MRS2: variants seen among roughly 807,000 people sequenced by gnomAD.
MRS2 encodes the protein magnesium transporter MRS2.
In MRS2, 40 loss-of-function variants were observed where a neutral mutation model predicts 52.6. The ratio of observed to expected loss-of-function variants is 0.76; its 90% confidence interval spans 0.59 to 0.99. The LOEUF (loss-of-function observed/expected upper bound fraction) is 0.99, where lower values mean the gene tolerates loss of function less well. Ranked by LOEUF, MRS2 falls within the 50% of genes least tolerant of loss-of-function variation. The probability of loss-of-function intolerance (pLI) is 0.00; values close to 1 mark genes in which losing one functional copy is unlikely to be tolerated. For missense variants in MRS2, 472 were observed against 532.7 expected (o/e 0.89, Z 1.12); for synonymous variants, 193 against 195.9 (o/e 0.98, Z 0.13).
At chr6:24,405,971 G>A (rs921686526) in intron 2 of MRS2, among the ~76,000 whole-genome samples, 3 of 151,890 alleles carry the variant, frequency 2.0e-5, no homozygotes, top group Non-Finnish European at 4.4e-5. Flanking sequence ...CAGGCCTGGT[G>A]GTGGGCGCCT....
chr6:24,405,354 G>A (rs1581693746), intron 2 of MRS2, 113 bp downstream of exon 2: 1 of 755,818 alleles, frequency 1.3e-6, no homozygotes, highest in Non-Finnish European at 2.2e-6. Flanking sequence ...AATCATCATA[G>A]CTACATGTCG....
chr6:24,418,988 A>T (rs947402005), intron 9 of MRS2: 1 of 162,430 alleles, frequency 6.2e-6, no homozygotes, highest in African/African-American at 2.4e-5. Context: ...CTGTAATCCC[A>T]GCACTTTGGG....
chr6:24,425,638 T>TA lies in MRS2; in HGVS notation c.*1946dup, dbSNP rs1337434518. The TA allele has an allele frequency of 1.3e-5, 2 of 152,226 alleles. No homozygotes were observed. Among genetic ancestry groups the TA allele is most frequent in the Admixed American group, 6.5e-5 (1 of 15,290 alleles). 9.4% of individuals were successfully genotyped at this position (152,226 alleles called of 1,614,324 possible). On this transcript the variant is annotated 3_prime_UTR_variant, in exon 11 of 11. Coordinates refer to ENST00000378386, the MANE Select transcript of MRS2 (RefSeq NM_020662.4). ...TTGAACTAAAATGGACTGAGCACAT[T>TA]AATTACTGTTTGAAAGTAGGTACCA...
chr6:24,416,549 TAGAGTA>T (rs1220082882), intron 7 of MRS2, 36 bp downstream of exon 7: 1 of 1,087,970 alleles, frequency 9.2e-7, no homozygotes, highest in Non-Finnish European at 1.4e-6. Flanking sequence ...TTTATTTCCT[TAGAGTA>T]AATCTTTTGC....
intron 4 of MRS2, among the ~76,000 whole-genome samples, chr6:24,411,869 G>T (rs550120574): frequency 0.011 from 1,600 of 142,864 alleles, 25 homozygotes; most frequent in African/African-American, 0.036. Flanking sequence ...TTTTTTTTTT[G>T]TTTTTGTTTT....
intron 7 of MRS2, among the ~76,000 whole-genome samples, 180 bp downstream of exon 7, chr6:24,416,693 A>G (rs1033222167): frequency 2.0e-5 from 3 of 152,170 alleles, no homozygotes; most frequent in Non-Finnish European, 4.4e-5. Context: ...ATGTAATTCT[A>G]TGAGTATGCA....
At position 24,412,279 on chromosome 6, in the gene MRS2, A is replaced by G. The variant is rs1288008263; in HGVS notation, c.472A>G (p.Asn158Asp). ...CLLILDYRNLNLEQWLFRELP... is the reference protein window; with the variant it reads ...CLLILDYRNLDLEQWLFRELP... ...TCTGATATTAGATTATCGTAATTTA[A>G]ACTTAGAGCAATGGCTGTTCCGGGA... The change falls in exon 5 of 11, where the codon AAC (asparagine) becomes GAC (aspartate). Residue 158 changes from asparagine to aspartate, a missense_variant. Physicochemically the swap from Asn to Asp is conservative, Grantham distance 23. Coordinates refer to ENST00000378386, the MANE Select transcript of MRS2 (RefSeq NM_020662.4). The G allele has an allele frequency of 1.2e-6, 2 of 1,605,832 alleles. No individual in the cohort carries two copies. The highest frequency in any genetic ancestry group is 2.2e-5 in the South Asian group (2 of 89,142).
Position 24,403,067 on chromosome 6 carries a change from A to G in MRS2, c.21A>G (p.Leu7=). The part of the protein sequence containing the change: MECLRS[L]PCLLPRAMRL... ...GCACCATGGAATGCCTGCGCAGTTT[A>G]CCCTGCCTCCTGCCCCGCGCGATGA... The change falls in exon 1 of 11, where the codon TTA becomes TTG. Residue 7 remains leucine (L), a synonymous_variant. Transcript: ENST00000378386. 6.2e-7 allele frequency: 1 copy of G among 1,609,932 alleles called. No individual in the cohort carries two copies. The highest frequency in any genetic ancestry group is 1.1e-5 in the South Asian group (1 of 90,548).
At chr6:24,407,312 A>G (rs185516826) in intron 2 of MRS2, among the ~76,000 whole-genome samples, 13 of 152,292 alleles carry the variant, frequency 8.5e-5, no homozygotes, top group Admixed American at 4.6e-4. Context: ...TTAATGTTCT[A>G]TGGAACTTAT....
rs1051071246 is a variant in MRS2, at chr6:24,418,320, C to T, written c.989+84C>T. ...TAAGGAAATATTTTGTGAGGAATTA[C>T]GCCATCATTATCATCTATACTACAT... On this transcript the variant is annotated intron_variant, in intron 8 of 10. Coordinates refer to ENST00000378386, the MANE Select transcript of MRS2 (RefSeq NM_020662.4). 44 of 1,480,658 alleles carry T rather than the reference C, an allele frequency of 3.0e-5. 1 individual carries two copies. In the Admixed American group the frequency reaches 6.0e-4, roughly 20 times the overall value. The allele number at this position is 1,480,658 out of a possible 1,614,324, so 91.7% of individuals were successfully genotyped here.
At chr6:24,409,438 C>T in intron 3 of MRS2, 23 bp from the exon 4 acceptor site, 1 of 1,444,084 alleles carries the variant, frequency 6.9e-7, no homozygotes, top group Non-Finnish European at 9.7e-7. Context: ...TGGTTTAGCC[C>T]TCTCTGTTTA....
At chr6:24,406,435 C>T (rs954474955) in intron 2 of MRS2, among the ~76,000 whole-genome samples, 2 of 151,972 alleles carry the variant, frequency 1.3e-5, no homozygotes, top group Admixed American at 1.3e-4. Context: ...TAAAAGTTAC[C>T]ACTGTTATTC....
chr6:24,418,565 C>A lies in MRS2; in HGVS notation c.1094C>A (p.Ser365Tyr), dbSNP rs1308331500. ...MGVAFGMNLE[S>Y]SLEEDHRIFW... ...GTTGCTTTTGGAATGAATTTGGAAT[C>A]TTCCCTTGAAGAGGTGAGAATGTAT... The change falls in exon 9 of 11, where the codon TCT becomes TAT. Residue 365 changes from serine (S) to tyrosine (Y), a missense_variant. Ser to Tyr is a moderately radical substitution (Grantham distance 144). Coordinates refer to ENST00000378386, the MANE Select transcript of MRS2 (RefSeq NM_020662.4). 6.2e-7 allele frequency: 1 copy of A among 1,611,432 alleles called. No individual in the cohort carries two copies. Among genetic ancestry groups the A allele is most frequent in the Non-Finnish European group, 8.5e-7 (1 of 1,177,636 alleles).
In MRS2 at chr6:24,402,937, C is replaced by G; in HGVS notation, c.-110C>G. The G allele has an allele frequency of 9.5e-7, 1 of 1,055,850 alleles. No individual in the cohort carries two copies. The highest frequency in any genetic ancestry group is 1.3e-6 in the Non-Finnish European group (1 of 743,042). The allele number at this position is 1,055,850 out of a possible 1,614,324, so 65.4% of individuals were successfully genotyped here. ...GCACGCCCCGCGCATGCCTGGTGCA[C>G]AGAGTCTGCAGGTCGGGCGGTAGCG... On this transcript the variant is annotated 5_prime_UTR_variant, in exon 1 of 11. Coordinates refer to ENST00000378386, the MANE Select transcript of MRS2 (RefSeq NM_020662.4).
chr6:24,424,404 A>C lies in MRS2; in HGVS notation c.*710A>C, dbSNP rs1171723598. On this transcript the variant is annotated 3_prime_UTR_variant, in exon 11 of 11. Coordinates refer to ENST00000378386, the MANE Select transcript of MRS2 (RefSeq NM_020662.4). The stretch of plus-strand genomic sequence containing the variant: ...GTTACTGTTTTGTAGCACTTTGTCC[A>C]TTTATTGATTTTTAAAGTAGATATT... 6.6e-6 allele frequency: 1 copy of C among 151,648 alleles called. No homozygotes were observed. Among genetic ancestry groups the C allele is most frequent in the Non-Finnish European group, 1.5e-5 (1 of 67,996 alleles). 9.4% of individuals were successfully genotyped at this position (151,648 alleles called of 1,614,324 possible).
chr6:24,412,405 T>C lies in MRS2; in HGVS notation c.588+10T>C. 1.3e-6 allele frequency: 2 copies of C among 1,518,010 alleles called. No individual in the cohort carries two copies. The highest frequency in any genetic ancestry group is 2.4e-5 in the East Asian group (1 of 41,990). 94.0% of individuals were successfully genotyped at this position (1,518,010 alleles called of 1,614,324 possible). ...ACTCCTGCAATATTGGGTAAGTCTGTTTTTATTTAGCTTCTTGGGTTTATT... is the reference window on the plus strand; with the variant it reads ...ACTCCTGCAATATTGGGTAAGTCTGCTTTTATTTAGCTTCTTGGGTTTATT... On this transcript the variant is annotated intron_variant, in intron 5 of 10. Coordinates refer to ENST00000378386, the MANE Select transcript of MRS2 (RefSeq NM_020662.4).
chr6:24,421,992 T>C (rs147700372), intron 9 of MRS2, among the ~76,000 whole-genome samples: 18,657 of 152,072 alleles, frequency 0.12, 1,475 homozygotes, highest in East Asian at 0.16. Context: ...CTACTAAAAA[T>C]ACAAAAATTA....
Position 24,418,207 on chromosome 6 carries a change from A to G in MRS2, c.960A>G (p.Ser320=). ...ARELRVLIDD[S]QSIIFINLDS... ...AGCTTAGGGTGCTGATTGATGATTC[A>G]CAAAGTATTATTTTCATTAATCTGG... Residue 320 remains serine (S), a synonymous_variant, in exon 8 of 11, where the codon TCA becomes TCG. Coordinates refer to ENST00000378386, the MANE Select transcript of MRS2 (RefSeq NM_020662.4). The G allele has an allele frequency of 6.2e-7, 1 of 1,612,066 alleles. No individual in the cohort carries two copies. Among genetic ancestry groups the G allele is most frequent in the South Asian group, 1.1e-5 (1 of 90,490 alleles).
chr6:24,415,432 A>G (rs932095002), intron 6 of MRS2, among the ~76,000 whole-genome samples: 1 of 152,210 alleles, frequency 6.6e-6, no homozygotes, highest in African/African-American at 2.4e-5. Flanking sequence ...AGGTTTGAGT[A>G]ACTTGCCTAA....
Sources: allele counts gnomAD v4.1 joint callset (sites outside exome capture counted in the v4.1 genomes callset), GRCh38; gene constraint gnomAD v4.1.1; transcripts MANE v1.5; gene names NCBI Gene and HGNC (gene_info 2026-07-23, HGNC 2026-07-21).